Variants in CIITA observed in about 807,000 individuals in gnomAD.
CIITA encodes the protein class II major histocompatibility complex transactivator.
In CIITA, 72 loss-of-function variants were observed where a neutral mutation model predicts 115.1. The ratio of observed to expected loss-of-function variants is 0.63; its 90% CI spans 0.52 to 0.76. The LOEUF is 0.76. Ranked by LOEUF, CIITA falls within the 30% of genes least tolerant of loss-of-function variation. The pLI, the probability that CIITA is intolerant of heterozygous loss-of-function variation, is 0.00. For missense variants in CIITA, 1,617 were observed against 1,463.8 expected (o/e 1.10, Z -1.71); for synonymous variants, 763 against 635.6 (o/e 1.20, Z -3.02).
upstream of CIITA, chr16:10,877,162 T>A: frequency 2.9e-6 from 2 of 688,928 alleles, no homozygotes; most frequent in Non-Finnish European, 5.3e-6. Context: ...TTTCTTTGCA[T>A]GTTGGCTTAG....
Position 10,924,852 on chromosome 16 carries a change from C to G in CIITA, c.*997C>G, listed in dbSNP as rs2040466523. The G allele has an allele frequency of 6.6e-6, 1 of 152,230 alleles. No individual in the cohort carries two copies. Among genetic ancestry groups the G allele is most frequent in the Non-Finnish European group, 1.5e-5 (1 of 68,038 alleles). 9.4% of individuals were successfully genotyped at this position (152,230 alleles called of 1,614,324 possible). A position where few individuals can be genotyped will look rare whatever the true frequency, so the allele number is the denominator to read the frequency against. On this transcript the variant is annotated 3_prime_UTR_variant, in exon 20 of 20. Coordinates refer to ENST00000324288, the MANE Select transcript of CIITA (RefSeq NM_000246.4). ...TTTTTTCACTACATTATAAATGTCT[C>G]TTTAATGTCACAGGCAGGTCCAGGG... is the stretch of plus-strand genomic sequence containing the variant.
chr16:10,923,217 C>G lies in CIITA; in HGVS notation c.3318-11C>G. On this transcript the variant is annotated splice_polypyrimidine_tract_variant and intron_variant, in intron 18 of 19. Coordinates refer to ENST00000324288, the MANE Select transcript of CIITA (RefSeq NM_000246.4). This position sits in a 1 kb window ranked among gnomAD's most constrained non-coding sequence, Gnocchi z 5.2. ...CTCTAACCTGGCTCTGAGTCCCATC[C>G]CCCCTTGCAGGATGTGGACGCCCAC... 2 of 1,612,372 alleles carry G rather than the reference C, an allele frequency of 1.2e-6. No homozygotes were observed. Among genetic ancestry groups the G allele is most frequent in the Non-Finnish European group, 1.7e-6 (2 of 1,179,768 alleles).
At chr16:10,915,046 T>C (rs1389945262) in intron 13 of CIITA, 4 of 456,272 alleles carry the variant, frequency 8.8e-6, no homozygotes, top group African/African-American at 2.0e-5. Flanking sequence ...CTTTTTCTTT[T>C]CTTTTTTTGT....
chr16:10,888,611 C>T (rs972523667), intron 1 of CIITA: 2 of 152,152 alleles, frequency 1.3e-5, no homozygotes, highest in African/African-American at 4.8e-5. Flanking sequence ...AAAATAAACC[C>T]CAAAAAGGAC....
At chr16:10,892,117 A>G (rs2037652187) in intron 1 of CIITA, among the ~76,000 whole-genome samples, 1 of 152,118 alleles carries the variant, frequency 6.6e-6, no homozygotes, top group South Asian at 2.1e-4. Flanking sequence ...TGAGGTCGGG[A>G]GTTCGAAACC....
At chr16:10,915,538 T>C in intron 13 of CIITA, 32 bp from the exon 14 acceptor site, 3 of 1,561,450 alleles carry the variant, frequency 1.9e-6, no homozygotes, top group Non-Finnish European at 2.6e-6. Context: ...TGACTGTGAC[T>C]GGAGGTCTTA....
At chr16:10,876,356 A>G (rs954573575), upstream of CIITA, among the ~76,000 whole-genome samples, 4 of 152,244 alleles carry the variant, frequency 2.6e-5, no homozygotes, top group Non-Finnish European at 5.9e-5. Context: ...CCCATTATAA[A>G]GGGAAAAAAT....
At chr16:10,936,432 T>C (rs2041023710), downstream of CIITA, 1 of 152,298 alleles carries the variant, frequency 6.6e-6, no homozygotes, top group Middle Eastern at 3.4e-3. Context: ...CTTATGAAAA[T>C]TACACATATA....
intron 10 of CIITA, among the ~76,000 whole-genome samples, chr16:10,905,775 G>T (rs1248460951): frequency 6.6e-6 from 1 of 151,364 alleles, no homozygotes; most frequent in Non-Finnish European, 1.5e-5. Context: ...AAAAAAAAGA[G>T]AGAAAAGGTC....
At position 10,902,037 on chromosome 16, in the gene CIITA, G is replaced by A; in HGVS notation, c.482-1G>A. ...CTCTAACACAGCCCACTTCCTCACA[G>A]CTGAGCCCCCCACTGTGGTGACTGG... On this transcript the variant is annotated splice_acceptor_variant, in intron 6 of 19. Transcript: ENST00000324288. LOFTEE classifies it high-confidence loss of function. 2 of 1,614,004 alleles carry A rather than the reference G, an allele frequency of 1.2e-6. No individual in the cohort carries two copies. The highest frequency in any genetic ancestry group is 1.7e-6 in the Non-Finnish European group (2 of 1,180,020).
intron 1 of CIITA, among the ~76,000 whole-genome samples, chr16:10,869,349 C>T (rs368864099): frequency 6.6e-6 from 1 of 152,210 alleles, no homozygotes; most frequent in Non-Finnish European, 1.5e-5. Context: ...AACCTTTGCA[C>T]ATGCCGTTCC....
intron 3 of CIITA, among the ~76,000 whole-genome samples, chr16:10,896,415 A>T (rs2038128192): frequency 6.6e-6 from 1 of 152,258 alleles, no homozygotes; most frequent in African/African-American, 2.4e-5. Context: ...GCTAAGGCTT[A>T]AGCAGAGAAG....
In CIITA at chr16:10,920,639, A is replaced by AAATG. The variant is rs2040219383; in HGVS notation, c.3150-1528_3150-1527insAATG. ...ATGAGGCCAAAATGCAAACTGTGAC[A>AAATG]CGCTATTGGTTATAAGACACATCCT... On this transcript the variant is annotated intron_variant, in intron 16 of 19. Transcript: ENST00000324288. This position sits in a 1 kb window ranked among gnomAD's most constrained non-coding sequence, Gnocchi z 4.5. 6.6e-6 allele frequency among the ~76,000 whole-genome samples: 1 copy of AAATG among 152,200 alleles called. No individual in the cohort carries two copies. The highest frequency in any genetic ancestry group is 1.5e-5 in the Non-Finnish European group (1 of 68,038).
At chr16:10,902,491 G>A (rs2038849539) in intron 7 of CIITA, among the ~76,000 whole-genome samples, 167 bp from the exon 8 acceptor site, 1 of 152,238 alleles carries the variant, frequency 6.6e-6, no homozygotes. Context: ...TGTGCCAACT[G>A]CTCTGCTAGG....
At chr16:10,914,491 GCA>G (rs2039813993) in intron 13 of CIITA, among the ~76,000 whole-genome samples, 1 of 152,156 alleles carries the variant, frequency 6.6e-6, no homozygotes, top group Non-Finnish European at 1.5e-5. Flanking sequence ...CCCACTGCTG[GCA>G]CCATAATTTT....
chr16:10,866,405 A>AGGTCCC, intron 1 of CIITA: 1 of 566,586 alleles, frequency 1.8e-6, no homozygotes, highest in Non-Finnish European at 3.5e-6. Context: ...CTCTCCAGGG[A>AGGTCCC]ATACCACTGC....
chr16:10,920,567 A>T lies in CIITA; in HGVS notation c.3150-1600A>T, dbSNP rs773529982. ...CAGCCTGATTTACCCTTTAAGAAAC[A>T]TCATATTTCATGGAATCTAAGATGC... On this transcript the variant is annotated intron_variant, in intron 16 of 19. Transcript: ENST00000324288. This position sits in a 1 kb window ranked among gnomAD's most constrained non-coding sequence, Gnocchi z 4.5. Among the ~76,000 whole-genome samples the T allele has an allele frequency of 6.6e-6, 1 of 152,196 alleles. No individual in the cohort carries two copies. The highest frequency in any genetic ancestry group is 2.4e-5 in the African/African-American group (1 of 41,452).
Position 10,907,281 on chromosome 16 carries a change from C to G in CIITA, c.1789C>G (p.Leu597Val). ...AGAGCACCAAGACAGAGCCCTGACG[C>G]TCCTCCGGGACCGGCCACTTCTTCT... is the stretch of plus-strand genomic sequence containing the variant. ...MTEHQDRALT[L>V]LRDRPLLLSH... The change falls in exon 11 of 20, where the codon CTC (leucine) becomes GTC (valine). Residue 597 changes from leucine (L) to valine (V), a missense_variant. Leu to Val is a conservative substitution (Grantham distance 32). Coordinates refer to ENST00000324288, the MANE Select transcript of CIITA (RefSeq NM_000246.4). The surrounding 1 kb of genome is among the most constrained non-coding windows in gnomAD (Gnocchi z 5.0). 6.2e-7 allele frequency: 1 copy of G among 1,613,552 alleles called. No homozygotes were observed. The highest frequency in any genetic ancestry group is 1.6e-4 in the Middle Eastern group (1 of 6,062).
intron 16 of CIITA, among the ~76,000 whole-genome samples, chr16:10,919,155 G>A (rs995395659): frequency 6.6e-6 from 1 of 152,148 alleles, no homozygotes; most frequent in Non-Finnish European, 1.5e-5. Context: ...TCCCAGGAAA[G>A]ATGGCATTTG....
Sources: allele counts gnomAD v4.1 joint callset (sites outside exome capture counted in the v4.1 genomes callset), GRCh38; gene constraint gnomAD v4.1.1; non-coding constraint Gnocchi (gnomAD v3.1); transcripts MANE v1.5; gene names NCBI Gene and HGNC (gene_info 2026-07-23, HGNC 2026-07-21).